The following NHSL2 variants were observed in gnomAD, a reference collection of about 807,000 sequenced individuals.
NHSL2 encodes NHS-like protein 2.
Under a neutral mutation model 53.4 loss-of-function variants are expected in NHSL2, and 27 were observed. The observed-to-expected ratio is 0.51, with a 90% CI of 0.37 to 0.70. The LOEUF (loss-of-function observed/expected upper bound fraction) is 0.70, where lower values mean the gene tolerates loss of function less well. Ranked by LOEUF, NHSL2 falls within the 30% of genes least tolerant of loss-of-function variation. The probability of loss-of-function intolerance (pLI) is 0.00; values close to 1 mark genes in which losing one functional copy is unlikely to be tolerated. For missense variants in NHSL2, 892 were observed against 980.1 expected (o/e 0.91, Z 1.20); for synonymous variants, 408 against 404.1 (o/e 1.01, Z -0.12).
rs1287053811 is a variant in NHSL2 at position 72,131,353 on chromosome X, A to T, written c.281-726A>T. On this transcript the variant is annotated intron_variant, in intron 1 of 7. Coordinates refer to ENST00000633930, the MANE Select transcript of NHSL2 (RefSeq NM_001013627.3). ...GAACTCCAAGTTCTCCTCCGCAAGG[A>T]CGGGCACTATGGGTACTGGCCAGCG... The T allele has an allele frequency of 8.3e-7, 1 of 1,205,016 alleles. No homozygotes were observed. Among genetic ancestry groups the T allele is most frequent in the African/African-American group, 1.8e-5 (1 of 56,661 alleles).
intron 1 of NHSL2, among the ~76,000 whole-genome samples, chrX:72,123,555 T>C (rs566587831): frequency 4.5e-5 from 5 of 110,982 alleles, no homozygotes; most frequent in African/African-American, 1.6e-4. Context: ...GGTCATCAAT[T>C]TGGGGACACT....
intron 6 of NHSL2, chrX:72,141,322 C>A: frequency 8.0e-6 from 1 of 125,518 alleles, no homozygotes. Context: ...TTTGGCTCTT[C>A]CTGGAACCAT....
At chrX:71,942,296 C>T (rs765093191) in intron 1 of NHSL2, among the ~76,000 whole-genome samples, 4 of 112,148 alleles carry the variant, frequency 3.6e-5, no homozygotes, top group Non-Finnish European at 7.5e-5. Flanking sequence ...ATCTTCTCTC[C>T]ATCTCTCTTT....
At chrX:72,014,428 T>A (rs1275001078) in intron 1 of NHSL2, among the ~76,000 whole-genome samples, 2 of 112,074 alleles carry the variant, frequency 1.8e-5, no homozygotes, top group Non-Finnish European at 3.8e-5. Flanking sequence ...TTTGGAGCTA[T>A]AAACTTCTTT....
At position 72,062,230 on chromosome X, in the gene NHSL2, C is replaced by T. The variant is rs751766111; in HGVS notation, c.281-69849C>T. On this transcript the variant is annotated intron_variant, in intron 1 of 7. Transcript: ENST00000633930. The stretch of plus-strand genomic sequence containing the variant: ...GTAAGGCAGAGGGTGGTGTGCTAGA[C>T]CTGTGGCCTCCAAAGTGGATATATC... Among the ~76,000 whole-genome samples the T allele has an allele frequency of 2.7e-5, 3 of 112,101 alleles. No individual in the cohort carries two copies. The South Asian group carries it at 1.1e-3, about 42-fold the overall frequency.
intron 1 of NHSL2, among the ~76,000 whole-genome samples, chrX:72,065,630 C>T (rs925818082): frequency 1.8e-5 from 2 of 111,216 alleles, no homozygotes; most frequent in Admixed American, 9.6e-5. Context: ...GGCCTGGTGT[C>T]GTTTAGCTCA....
chrX:71,943,232 G>A (rs779359970), intron 1 of NHSL2, among the ~76,000 whole-genome samples: 6 of 111,474 alleles, frequency 5.4e-5, no homozygotes, highest in South Asian at 3.8e-4. Flanking sequence ...GACTACAGGC[G>A]CACGCCACCA....
chrX:72,094,146 A>C (rs2041925247), intron 1 of NHSL2, among the ~76,000 whole-genome samples: 1 of 111,804 alleles, frequency 8.9e-6, no homozygotes, highest in South Asian at 3.7e-4. Flanking sequence ...ACTTTAAATA[A>C]GTACCAGAAT....
At chrX:72,008,863 A>G (rs751253506) in intron 1 of NHSL2, among the ~76,000 whole-genome samples, 2 of 111,779 alleles carry the variant, frequency 1.8e-5, no homozygotes, top group Non-Finnish European at 3.8e-5. Context: ...TTATTTTAGT[A>G]TCCCTGTCAC....
chrX:72,082,639 G>C (rs1208881234), intron 1 of NHSL2, among the ~76,000 whole-genome samples: 1 of 112,402 alleles, frequency 8.9e-6, no homozygotes, highest in Non-Finnish European at 1.9e-5. Flanking sequence ...CCAAAGCTTA[G>C]TTGCTTTGCC....
chrX:71,988,128 A>G (rs931832402), intron 1 of NHSL2, among the ~76,000 whole-genome samples: 1 of 112,125 alleles, frequency 8.9e-6, no homozygotes, highest in Non-Finnish European at 1.9e-5. Context: ...AGAGAAAAAC[A>G]TTGCTGCGGC....
At chrX:72,049,145 G>A (rs1247708491) in intron 1 of NHSL2, among the ~76,000 whole-genome samples, 1 of 111,233 alleles carries the variant, frequency 9.0e-6, no homozygotes, top group Non-Finnish European at 1.9e-5. Flanking sequence ...CTTCTTGCCA[G>A]GGAAGGCCCT....
chrX:71,949,783 C>T (rs1054093244), intron 1 of NHSL2, among the ~76,000 whole-genome samples: 5 of 113,017 alleles, frequency 4.4e-5, no homozygotes, highest in East Asian at 2.8e-4. Flanking sequence ...GAGCCCACAG[C>T]GCAAACATAC....
At position 72,150,470 on chromosome X, in the gene NHSL2, C is replaced by T. The variant is rs2042503183; in HGVS notation, c.*6896C>T. ...TTAATCTTTATGAGAAATTTTCAGACTGTTAAATGCTCATGAGATATTTAG... is the reference window on the plus strand; with the variant it reads ...TTAATCTTTATGAGAAATTTTCAGATTGTTAAATGCTCATGAGATATTTAG... On this transcript the variant is annotated 3_prime_UTR_variant, in exon 8 of 8. Transcript: ENST00000633930. 1 of 112,240 alleles carries T rather than the reference C, an allele frequency of 8.9e-6. No homozygotes were observed. Among genetic ancestry groups the T allele is most frequent in the African/African-American group, 3.2e-5 (1 of 30,859 alleles). 9.2% of individuals were successfully genotyped at this position (112,240 alleles called of 1,213,427 possible). A position where few individuals can be genotyped will look rare whatever the true frequency, so the allele number is the denominator to read the frequency against.
intron 1 of NHSL2, among the ~76,000 whole-genome samples, chrX:72,104,315 T>C (rs1246144955): frequency 1.8e-5 from 2 of 112,893 alleles, no homozygotes; most frequent in Non-Finnish European, 3.7e-5. Flanking sequence ...TTAAGACATA[T>C]ATAGATAACT....
At chrX:71,969,601 T>C (rs2041917114) in intron 1 of NHSL2, among the ~76,000 whole-genome samples, 1 of 112,362 alleles carries the variant, frequency 8.9e-6, no homozygotes, top group South Asian at 3.6e-4. Flanking sequence ...GCGTGAGCCA[T>C]CACGTCCGGC....
At position 72,148,569 on chromosome X, in the gene NHSL2, G is replaced by T. The variant is rs1055461497; in HGVS notation, c.*4995G>T. 8.9e-6 allele frequency: 1 copy of T among 111,944 alleles called. No homozygotes were observed. Among genetic ancestry groups the T allele is most frequent in the African/African-American group, 3.3e-5 (1 of 30,753 alleles). 9.2% of individuals were successfully genotyped at this position (111,944 alleles called of 1,213,427 possible). A position where few individuals can be genotyped will look rare whatever the true frequency, so the allele number is the denominator to read the frequency against. Reference sequence around the variant, plus strand: ...GTCAAAAGGCAGCAAAAAGTATAATGATATAAACATAATATGAAATAAGCA... The same window carrying T: ...GTCAAAAGGCAGCAAAAAGTATAATTATATAAACATAATATGAAATAAGCA... On this transcript the variant is annotated 3_prime_UTR_variant, in exon 8 of 8. Transcript: ENST00000633930.
intron 1 of NHSL2, among the ~76,000 whole-genome samples, chrX:71,932,211 C>T (rs1009233337): frequency 1.8e-5 from 2 of 110,738 alleles, no homozygotes; most frequent in Non-Finnish European, 3.8e-5. Flanking sequence ...AGGAAGGTGC[C>T]TGAGTTGGAG....
At chrX:72,043,628 G>C (rs1016219012) in intron 1 of NHSL2, among the ~76,000 whole-genome samples, 3 of 111,543 alleles carry the variant, frequency 2.7e-5, no homozygotes, top group African/African-American at 9.8e-5. Context: ...CTTTAGTACA[G>C]ACCCTTTTCT....
Sources: gnomAD v4.1 joint callset for allele counts (sites outside exome capture counted in the v4.1 genomes callset) on GRCh38, gnomAD v4.1.1 for gene constraint, MANE v1.5 for transcripts, NCBI Gene and HGNC (gene_info 2026-07-23, HGNC 2026-07-21) for gene names.